The following FBXW11 variants were observed in gnomAD, a reference collection of about 807,000 sequenced individuals.
The protein encoded by FBXW11 is F-box/WD repeat-containing protein 11.
A neutral mutation model predicts 77.6 loss-of-function variants in FBXW11; 19 were observed. The ratio of observed to expected loss-of-function variants is 0.24; its 90% CI spans 0.17 to 0.36. FBXW11 has a LOEUF of 0.36. Among genes scored for constraint, FBXW11 ranks in the 10% least tolerant of loss-of-function variants. FBXW11 has a pLI of 1.00. For missense variants in FBXW11, 334 were observed against 704.2 expected (o/e 0.47, Z 5.95); for synonymous variants, 235 against 249.4 (o/e 0.94, Z 0.54).
At chr5:171,916,254 GAAAAA>G (rs34199464) in intron 2 of FBXW11, among the ~76,000 whole-genome samples, 1 of 139,724 alleles carries the variant, frequency 7.2e-6, no homozygotes, top group Non-Finnish European at 1.5e-5. Context: ...AAAAAAATGA[GAAAAA>G]AAAAAAAAAA....
intron 2 of FBXW11, among the ~76,000 whole-genome samples, chr5:171,926,521 ATGAG>A (rs1262094741): frequency 6.6e-6 from 1 of 152,182 alleles, no homozygotes; most frequent in Non-Finnish European, 1.5e-5. Flanking sequence ...CTGTCGTGGC[ATGAG>A]TGAGTGAGTT....
rs1277548402 is a variant in FBXW11 at position 171,967,643 on chromosome 5, T to C, written c.46-9945A>G. Among the ~76,000 whole-genome samples the C allele has an allele frequency of 3.3e-5, 5 of 151,760 alleles. No homozygotes were observed. The East Asian group carries it at 9.7e-4, about 29-fold the overall frequency. On this transcript the variant is annotated intron_variant, in intron 1 of 13. Coordinates refer to ENST00000517395, the MANE Select transcript of FBXW11 (RefSeq NM_001378974.1). The stretch of plus-strand genomic sequence containing the variant: ...TCACCTGAGGTTGGGAGTTCCAGAC[T>C]AGCCTGACCAACATGGAAAAACCCC...
At chr5:171,916,001 A>T (rs1185636377) in intron 2 of FBXW11, among the ~76,000 whole-genome samples, 1 of 151,276 alleles carries the variant, frequency 6.6e-6, no homozygotes, top group Non-Finnish European at 1.5e-5. Context: ...AAAAAAACAA[A>T]CACTGCATGT....
At chr5:171,938,935 T>G (rs1039887584) in intron 2 of FBXW11, among the ~76,000 whole-genome samples, 2 of 152,122 alleles carry the variant, frequency 1.3e-5, no homozygotes, top group African/African-American at 4.8e-5. Flanking sequence ...ACCTTTTGTG[T>G]AAAAAATAAG....
intron 1 of FBXW11, among the ~76,000 whole-genome samples, chr5:171,965,451 A>G (rs149398926): frequency 0.021 from 3,229 of 151,936 alleles, 117 homozygotes; most frequent in African/African-American, 0.073. Flanking sequence ...GCTTGAACCC[A>G]GGAGGCAGAG....
chr5:171,950,684 G>A (rs371653956), intron 2 of FBXW11, among the ~76,000 whole-genome samples: 7 of 152,060 alleles, frequency 4.6e-5, no homozygotes, highest in African/African-American at 1.2e-4. Flanking sequence ...TCAGGAGTTC[G>A]AGAACAGCCT....
chr5:171,977,488 G>A (rs75768004), intron 1 of FBXW11: 11,195 of 354,970 alleles, frequency 0.032, 243 homozygotes, highest in Middle Eastern at 0.053. Context: ...TATGATCCTC[G>A]CCCCCATGGA....
intron 2 of FBXW11, among the ~76,000 whole-genome samples, chr5:171,924,134 G>C (rs944395464): frequency 2.0e-5 from 3 of 151,682 alleles, no homozygotes; most frequent in African/African-American, 7.3e-5. Context: ...ATGTTGGCCA[G>C]GCTGGTCTTG....
At chr5:171,935,159 G>A (rs1039591049) in intron 2 of FBXW11, among the ~76,000 whole-genome samples, 12 of 152,202 alleles carry the variant, frequency 7.9e-5, no homozygotes, top group Non-Finnish European at 1.2e-4. Context: ...GGGTTTCACC[G>A]TGTTAGCCAG....
At chr5:171,956,344 T>C (rs1763611362) in intron 2 of FBXW11, among the ~76,000 whole-genome samples, 1 of 152,206 alleles carries the variant, frequency 6.6e-6, no homozygotes, top group African/African-American at 2.4e-5. Context: ...TTCATTACAC[T>C]GAGCCTCACT....
At position 171,915,892 on chromosome 5, in the gene FBXW11, C is replaced by T. The variant is rs529368929; in HGVS notation, c.148-1487G>A. On this transcript the variant is annotated intron_variant, in intron 2 of 13. Transcript: ENST00000517395. ...AAGAAAATGTGGCACATACACACCA[C>T]GGAATACTATGCAGCCATAAAGAAG... Among the ~76,000 whole-genome samples, 46 of 152,070 alleles carry T rather than the reference C, an allele frequency of 3.0e-4. 1 individual carries two copies. Among genetic ancestry groups the T allele is most frequent in the African/African-American group, 9.2e-4 (38 of 41,470 alleles).
intron 1 of FBXW11, among the ~76,000 whole-genome samples, chr5:171,968,685 G>A (rs977083926): frequency 6.6e-6 from 1 of 152,030 alleles, no homozygotes; most frequent in Non-Finnish European, 1.5e-5. Flanking sequence ...TTGTTTTTTA[G>A]ACATTTTCTA....
chr5:171,912,154 G>C (rs1002545430), intron 3 of FBXW11, among the ~76,000 whole-genome samples: 2 of 152,094 alleles, frequency 1.3e-5, no homozygotes, highest in African/African-American at 4.8e-5. Context: ...ATCCAAAGGA[G>C]TCTTCAGTTT....
intron 6 of FBXW11, among the ~76,000 whole-genome samples, chr5:171,893,933 C>T (rs1016091124): frequency 6.6e-6 from 1 of 151,848 alleles, no homozygotes; most frequent in Non-Finnish European, 1.5e-5. Context: ...AGCACATTTA[C>T]TACCGCATGA....
chr5:171,976,599 A>G (rs946633079), intron 1 of FBXW11, among the ~76,000 whole-genome samples: 5 of 152,130 alleles, frequency 3.3e-5, no homozygotes, highest in Admixed American at 3.3e-4. Context: ...GCCAATTATA[A>G]AAGGGTTTCA....
intron 2 of FBXW11, among the ~76,000 whole-genome samples, chr5:171,924,984 G>A (rs527902615): frequency 3.7e-4 from 57 of 152,264 alleles, no homozygotes; most frequent in African/African-American, 1.2e-3. Flanking sequence ...GCTACAGCAC[G>A]CCTGGCCCCG....
chr5:171,907,807 T>C (rs193136730), intron 4 of FBXW11, among the ~76,000 whole-genome samples: 7 of 152,316 alleles, frequency 4.6e-5, no homozygotes, highest in Admixed American at 1.3e-4. Context: ...TTTATATACA[T>C]AACACATGTT....
chr5:171,865,279 T>C, intron 13 of FBXW11, among the ~76,000 whole-genome samples: 1 of 146,626 alleles, frequency 6.8e-6, no homozygotes. Context: ...ACTTAAAGTA[T>C]AATTAAAAAA....
rs150016425 is a variant in FBXW11, at chr5:171,875,665, G to A, written c.1221+620C>T. Among the ~76,000 whole-genome samples the A allele has an allele frequency of 4.9e-4, 74 of 152,264 alleles. 1 individual carries two copies. The highest frequency in any genetic ancestry group is 7.8e-4 in the Non-Finnish European group (53 of 68,014). ...GCTAAAATTCAAAAAAGTTAGCTGA[G>A]ATATTGGAATCAGGACTGCATTTAC... On this transcript the variant is annotated intron_variant, in intron 9 of 13. Coordinates refer to ENST00000517395, the MANE Select transcript of FBXW11 (RefSeq NM_001378974.1).
Sources: allele counts gnomAD v4.1 joint callset (sites outside exome capture counted in the v4.1 genomes callset), GRCh38; gene constraint gnomAD v4.1.1; transcripts MANE v1.5; gene names NCBI Gene and HGNC (gene_info 2026-07-23, HGNC 2026-07-21).